Variants in CDC14A observed in about 807,000 individuals in gnomAD.
CDC14A encodes the protein cell division cycle 14A, also known as dual specificity protein phosphatase CDC14A.
In CDC14A, 53 loss-of-function variants were observed where a neutral mutation model predicts 74.4. The ratio of observed to expected loss-of-function variants is 0.71; its 90% confidence interval spans 0.57 to 0.89. The LOEUF (loss-of-function observed/expected upper bound fraction) is 0.89, where lower values mean the gene tolerates loss of function less well. Among genes scored for constraint, CDC14A ranks in the 40% least tolerant of loss-of-function variants. The probability of loss-of-function intolerance (pLI) is 0.00; values close to 1 mark genes in which losing one functional copy is unlikely to be tolerated. For synonymous variants in CDC14A, 247 were observed against 258.4 expected (o/e 0.96, Z 0.43); for missense variants, 646 against 713.7 (o/e 0.91, Z 1.08).
intron 1 of CDC14A, among the ~76,000 whole-genome samples, chr1:100,347,181 G>A (rs916548010): frequency 2.6e-5 from 4 of 152,182 alleles, no homozygotes; most frequent in African/African-American, 9.7e-5. Flanking sequence ...TTAAGAAAAG[G>A]TTGTTGATAC....
At chr1:100,509,674 T>C (rs909988989) in intron 15 of CDC14A, among the ~76,000 whole-genome samples, 4 of 152,258 alleles carry the variant, frequency 2.6e-5, no homozygotes, top group African/African-American at 9.6e-5. Flanking sequence ...CACGTGCACA[T>C]TGCTTGTAAA....
chr1:100,412,467 A>G (rs1051020478), intron 4 of CDC14A, among the ~76,000 whole-genome samples: 2 of 148,654 alleles, frequency 1.3e-5, no homozygotes, highest in Non-Finnish European at 3.0e-5. Context: ...AGAACTGTGG[A>G]AAGCTCTCTG....
At chr1:100,413,822 A>G (rs180698016) in intron 4 of CDC14A, among the ~76,000 whole-genome samples, 51 of 152,318 alleles carry the variant, frequency 3.3e-4, no homozygotes, top group Admixed American at 1.0e-3. Flanking sequence ...AATACTGAGG[A>G]AAGTTATGCA....
At chr1:100,474,043 G>C (rs1322973439) in intron 10 of CDC14A, among the ~76,000 whole-genome samples, 1 of 151,950 alleles carries the variant, frequency 6.6e-6, no homozygotes, top group Admixed American at 6.6e-5. Context: ...TGTTTCTGAG[G>C]GTTCTTATCA....
chr1:100,462,886 G>A lies in CDC14A; in HGVS notation c.838+5G>A. The A allele has an allele frequency of 3.1e-6, 5 of 1,610,060 alleles. No individual in the cohort carries two copies. Among genetic ancestry groups the A allele is most frequent in the Non-Finnish European group, 4.3e-6 (5 of 1,176,442 alleles). On this transcript the variant is annotated splice_donor_5th_base_variant and intron_variant, in intron 9 of 15. Coordinates refer to ENST00000336454, the MANE Select transcript of CDC14A (RefSeq NM_003672.4). ...CCATCGCCGTTCACTGCAAAGGTGT[G>A]TGCAAGGCCTCGGTGGTGGTGGCTG...
intron 15 of CDC14A, among the ~76,000 whole-genome samples, chr1:100,502,013 A>G (rs6666801): frequency 0.85 from 129,774 of 152,222 alleles, 58,737 homozygotes; most frequent in Non-Finnish European, 1. Flanking sequence ...AGTTGATAAA[A>G]ACATTAAAAA....
intron 4 of CDC14A, among the ~76,000 whole-genome samples, chr1:100,397,387 A>G (rs1658660279): frequency 6.6e-6 from 1 of 152,238 alleles, no homozygotes; most frequent in Admixed American, 6.5e-5. Flanking sequence ...CACTCAGTGC[A>G]GTTTTGAAGT....
chr1:100,387,739 T>G (rs932823294), intron 3 of CDC14A, among the ~76,000 whole-genome samples: 1 of 152,188 alleles, frequency 6.6e-6, no homozygotes, highest in African/African-American at 2.4e-5. Flanking sequence ...AAAGAAAGTC[T>G]TCCTCAGAGT....
intron 3 of CDC14A, among the ~76,000 whole-genome samples, chr1:100,382,482 C>T (rs1324319684): frequency 6.6e-6 from 1 of 150,622 alleles, no homozygotes; most frequent in African/African-American, 2.4e-5. Flanking sequence ...AAGCTAGCTT[C>T]CCGCCTGAGC....
At chr1:100,444,072 A>G (rs1665259699) in intron 7 of CDC14A, among the ~76,000 whole-genome samples, 1 of 152,148 alleles carries the variant, frequency 6.6e-6, no homozygotes, top group Non-Finnish European at 1.5e-5. Context: ...AAAGAAACTG[A>G]TCATCTTTTA....
At chr1:100,352,003 T>TGCGCGC (rs370715549), upstream of CDC14A, among the ~76,000 whole-genome samples, 15,999 of 122,008 alleles carry the variant, frequency 0.13, 1,174 homozygotes, top group Non-Finnish European at 0.18. Flanking sequence ...TGTGTGTGTG[T>TGCGCGC]GCGCGCGCGC....
chr1:100,480,877 T>G (rs1669390685), intron 10 of CDC14A: 1 of 152,222 alleles, frequency 6.6e-6, no homozygotes, highest in African/African-American at 2.4e-5. Context: ...GAGAATTCCC[T>G]TCCTCAGTTT....
chr1:100,348,147 T>G (rs942409695), upstream of CDC14A, among the ~76,000 whole-genome samples: 11 of 152,076 alleles, frequency 7.2e-5, no homozygotes, highest in Non-Finnish European at 1.6e-4. Context: ...TTGGGCATGG[T>G]GGTGCACGCC....
At chr1:100,435,913 A>G (rs1664273113) in intron 5 of CDC14A, among the ~76,000 whole-genome samples, 1 of 151,650 alleles carries the variant, frequency 6.6e-6, no homozygotes. Flanking sequence ...TGGAAGCTGA[A>G]GGAAGATGTG....
chr1:100,403,670 T>C (rs1659563809), intron 4 of CDC14A, among the ~76,000 whole-genome samples: 1 of 152,254 alleles, frequency 6.6e-6, no homozygotes, highest in South Asian at 2.1e-4. Flanking sequence ...TATCTTTTCT[T>C]ATCTCACTTT....
intron 11 of CDC14A, 24 bp downstream of exon 11, chr1:100,484,475 A>G (rs375641563): frequency 4.4e-6 from 7 of 1,584,310 alleles, no homozygotes; most frequent in African/African-American, 4.1e-5. Context: ...AGGAGATTCT[A>G]TCTTCTTAAA....
intron 15 of CDC14A, among the ~76,000 whole-genome samples, chr1:100,514,837 T>G (rs1229934912): frequency 6.6e-6 from 1 of 152,200 alleles, no homozygotes; most frequent in Non-Finnish European, 1.5e-5. Flanking sequence ...GCTAGTTGTA[T>G]TTAATCTATT....
chr1:100,353,166 T>C (rs1651357690), intron 1 of CDC14A, among the ~76,000 whole-genome samples, 163 bp downstream of exon 1: 1 of 152,212 alleles, frequency 6.6e-6, no homozygotes, highest in African/African-American at 2.4e-5. Context: ...ACCCCCTGCT[T>C]CCGGCTTCTC....
intron 11 of CDC14A, among the ~76,000 whole-genome samples, chr1:100,493,039 A>G (rs1192694580): frequency 6.6e-6 from 1 of 152,186 alleles, no homozygotes; most frequent in Non-Finnish European, 1.5e-5. Flanking sequence ...TCTCAGAAAG[A>G]TTGTATGGGA....
Sources: allele counts gnomAD v4.1 joint callset (sites outside exome capture counted in the v4.1 genomes callset), GRCh38; gene constraint gnomAD v4.1.1; transcripts MANE v1.5; gene names NCBI Gene and HGNC (gene_info 2026-07-23, HGNC 2026-07-21).